MARCHF4: variants seen among roughly 807,000 people sequenced by gnomAD.
MARCHF4 encodes E3 ubiquitin-protein ligase MARCHF4.
In MARCHF4, 14 loss-of-function variants were observed where a neutral mutation model predicts 43.9. The observed-to-expected ratio is 0.32, with a 90% CI of 0.21 to 0.50. The LOEUF is 0.50. Among genes scored for constraint, MARCHF4 ranks in the 20% least tolerant of loss-of-function variants. The pLI, the probability that MARCHF4 is intolerant of heterozygous loss-of-function variation, is 0.98. For missense variants in MARCHF4, 468 were observed against 536.7 expected (o/e 0.87, Z 1.27); for synonymous variants, 226 against 213.3 (o/e 1.06, Z -0.52).
chr2:216,346,020 C>T (rs549108621), intron 1 of MARCHF4, among the ~76,000 whole-genome samples: 1 of 152,250 alleles, frequency 6.6e-6, no homozygotes, highest in South Asian at 2.1e-4. Context: ...TGCTTCCTGA[C>T]ATCTCAGCAA....
At chr2:216,340,628 C>A (rs1692222685) in intron 1 of MARCHF4, among the ~76,000 whole-genome samples, 1 of 152,178 alleles carries the variant, frequency 6.6e-6, no homozygotes, top group Non-Finnish European at 1.5e-5. Flanking sequence ...CCAGGGTTGA[C>A]AGAGCATCTC....
chr2:216,313,107 A>G (rs1400922222), intron 1 of MARCHF4, among the ~76,000 whole-genome samples: 1 of 152,124 alleles, frequency 6.6e-6, no homozygotes, highest in Non-Finnish European at 1.5e-5. Flanking sequence ...TTGTTAGCCA[A>G]TTATCCCAGC....
intron 1 of MARCHF4, among the ~76,000 whole-genome samples, chr2:216,307,226 G>A (rs1049028397): frequency 7.9e-5 from 12 of 152,102 alleles, no homozygotes; most frequent in Non-Finnish European, 1.5e-4. Context: ...AGGCAGCCCC[G>A]CAGGGACTCA....
chr2:216,290,069 A>G (rs1187585353), intron 1 of MARCHF4, among the ~76,000 whole-genome samples: 5 of 152,250 alleles, frequency 3.3e-5, no homozygotes, highest in Non-Finnish European at 7.3e-5. Context: ...GGAACTGACT[A>G]AAATTCTCTA....
At chr2:216,326,523 G>C (rs1445746588) in intron 1 of MARCHF4, among the ~76,000 whole-genome samples, 1 of 151,428 alleles carries the variant, frequency 6.6e-6, no homozygotes, top group Non-Finnish European at 1.5e-5. Flanking sequence ...TATGTTTATT[G>C]CGGCATTATT....
intron 1 of MARCHF4, among the ~76,000 whole-genome samples, chr2:216,313,088 T>C (rs1383701136): frequency 6.6e-6 from 1 of 152,204 alleles, no homozygotes; most frequent in Non-Finnish European, 1.5e-5. Context: ...AGTTTCATTC[T>C]TCTGCACCTT....
At chr2:216,296,202 C>T (rs1261421346) in intron 1 of MARCHF4, among the ~76,000 whole-genome samples, 1 of 151,918 alleles carries the variant, frequency 6.6e-6, no homozygotes, top group African/African-American at 2.4e-5. Context: ...AAAAATTACT[C>T]GAGCCTGGTG....
intron 1 of MARCHF4, among the ~76,000 whole-genome samples, chr2:216,330,152 A>C (rs1466826770): frequency 6.6e-6 from 1 of 152,124 alleles, no homozygotes; most frequent in African/African-American, 2.4e-5. Context: ...AGCTATACTG[A>C]TACCAGGCAA....
chr2:216,354,820 A>G (rs1692456260), intron 1 of MARCHF4, among the ~76,000 whole-genome samples: 1 of 152,068 alleles, frequency 6.6e-6, no homozygotes, highest in South Asian at 2.1e-4. Context: ...TCCTCAGCAT[A>G]ATTGTGCCCA....
chr2:216,360,293 A>G (rs75185490), intron 1 of MARCHF4, among the ~76,000 whole-genome samples: 2,280 of 152,234 alleles, frequency 0.015, 70 homozygotes, highest in African/African-American at 0.05. Flanking sequence ...TTGCCTTTAA[A>G]TGTCTCACAT....
intron 1 of MARCHF4, among the ~76,000 whole-genome samples, chr2:216,318,305 C>G (rs1470676786): frequency 1.3e-5 from 2 of 152,160 alleles, no homozygotes; most frequent in Non-Finnish European, 2.9e-5. Flanking sequence ...GGCAAACGAA[C>G]GCCCCTCCCA....
At chr2:216,329,752 A>C (rs1355923738) in intron 1 of MARCHF4, among the ~76,000 whole-genome samples, 1 of 151,174 alleles carries the variant, frequency 6.6e-6, no homozygotes, top group Non-Finnish European at 1.5e-5. Flanking sequence ...TAAAATATAA[A>C]AACCCAACTG....
In MARCHF4 at chr2:216,306,468, TC is replaced by T. The variant is rs1342846452; in HGVS notation, c.517-22740del. Among the ~76,000 whole-genome samples, 11 of 152,328 alleles carry T rather than the reference TC, an allele frequency of 7.2e-5. 1 individual carries two copies. The South Asian group carries it at 2.3e-3, about 32-fold the overall frequency. The stretch of plus-strand genomic sequence containing the variant: ...CTTTCCAAATCTATTTTTTTCTAGA[TC>T]AAAGTTTGCAGATCTGAATTTTGTC... On this transcript the variant is annotated intron_variant, in intron 1 of 3. Transcript: ENST00000273067.
At chr2:216,285,425 T>G (rs1691203013) in intron 1 of MARCHF4, among the ~76,000 whole-genome samples, 1 of 152,236 alleles carries the variant, frequency 6.6e-6, no homozygotes, top group African/African-American at 2.4e-5. Flanking sequence ...CCCTCTGTTA[T>G]AGCATGCCCC....
intron 1 of MARCHF4, among the ~76,000 whole-genome samples, chr2:216,365,100 G>A (rs536581873): frequency 2.2e-4 from 34 of 152,260 alleles, no homozygotes; most frequent in Non-Finnish European, 3.8e-4. Flanking sequence ...GCACTAAGAC[G>A]AGTAAGTACA....
At chr2:216,263,515 G>GAGAA (rs1553591486) in intron 3 of MARCHF4, among the ~76,000 whole-genome samples, 8,103 of 142,142 alleles carry the variant, frequency 0.057, 300 homozygotes, top group South Asian at 0.11. Flanking sequence ...GAGAGAGAGA[G>GAGAA]AGAGAGAGAG....
chr2:216,259,827 C>T (rs981416788), intron 3 of MARCHF4, 148 bp from the exon 4 acceptor site: 3 of 755,858 alleles, frequency 4.0e-6, no homozygotes, highest in Non-Finnish European at 6.3e-6. Flanking sequence ...TTCCCAGGCT[C>T]AGCAAGTTCC....
chr2:216,298,256 GTTTTTTTTT>G (rs559410456), intron 1 of MARCHF4, among the ~76,000 whole-genome samples: 6 of 66,764 alleles, frequency 9.0e-5, no homozygotes, highest in African/African-American at 3.5e-4. Context: ...AGTCTTTTAG[GTTTTTTTTT>G]TTTTTTTTTT....
intron 1 of MARCHF4, among the ~76,000 whole-genome samples, chr2:216,313,005 T>A (rs779953092): frequency 5.3e-5 from 8 of 152,232 alleles, no homozygotes; most frequent in Non-Finnish European, 1.0e-4. Flanking sequence ...AGGATTTTTA[T>A]AGTTTCAAGT....
Sources: allele counts gnomAD v4.1 joint callset (sites outside exome capture counted in the v4.1 genomes callset), GRCh38; gene constraint gnomAD v4.1.1; transcripts MANE v1.5; gene names NCBI Gene and HGNC (gene_info 2026-07-23, HGNC 2026-07-21).